Variants in KATNA1 observed in about 807,000 individuals in gnomAD.
The protein encoded by KATNA1 is katanin catalytic subunit A1.
A neutral mutation model predicts 62.6 loss-of-function variants in KATNA1; 42 were observed. The observed-to-expected ratio is 0.67, with a 90% confidence interval of 0.52 to 0.87. KATNA1 has a LOEUF of 0.87. Ranked by LOEUF, KATNA1 falls within the 40% of genes least tolerant of loss-of-function variation. KATNA1 has a pLI of 0.00. For missense variants in KATNA1, 498 were observed against 612.5 expected (o/e 0.81, Z 1.97); for synonymous variants, 186 against 201.9 (o/e 0.92, Z 0.67).
Position 149,638,440 on chromosome 6 carries a change from C to T in KATNA1, c.108G>A (p.Met36Ile). Residue 36 changes from methionine (M) to isoleucine (I), a missense_variant, in exon 2 of 11, where the codon ATG becomes ATA. By Grantham distance (10) the Met-to-Ile change is conservative (BLOSUM62 1). Transcript: ENST00000367411. ...MVYYQGVLDQ[M>I]NKYLYSVKDT... ...CTTTGACTGAGTACAGATACTTGTT[C>T]ATTTGGTCAAGAACTCCCTGATAAT... 1.2e-6 allele frequency: 2 copies of T among 1,613,978 alleles called. No homozygotes were observed. Among genetic ancestry groups the T allele is most frequent in the Non-Finnish European group, 1.7e-6 (2 of 1,179,958 alleles).
At chr6:149,634,977 G>T in intron 2 of KATNA1, among the ~76,000 whole-genome samples, 1 of 149,698 alleles carries the variant, frequency 6.7e-6, no homozygotes. Flanking sequence ...TAGAGACAGG[G>T]TCTCATTCTG....
At chr6:149,599,737 C>G (rs200452673) in intron 7 of KATNA1, among the ~76,000 whole-genome samples, 12 of 151,940 alleles carry the variant, frequency 7.9e-5, no homozygotes, top group Non-Finnish European at 1.8e-4. Context: ...AGGCTGGTCT[C>G]GAACTCCTGA....
chr6:149,600,051 T>C, intron 7 of KATNA1, among the ~76,000 whole-genome samples: 1 of 151,894 alleles, frequency 6.6e-6, no homozygotes, highest in Non-Finnish European at 1.5e-5. Context: ...ACAATAAAAA[T>C]AAGGCTTGAA....
At chr6:149,616,410 G>T (rs1424451307) in intron 4 of KATNA1, among the ~76,000 whole-genome samples, 1 of 152,166 alleles carries the variant, frequency 6.6e-6, no homozygotes, top group East Asian at 1.9e-4. Context: ...TGTAATCCTG[G>T]TAGGAATATA....
At chr6:149,625,556 G>C (rs1045570450) in intron 3 of KATNA1, among the ~76,000 whole-genome samples, 2 of 152,170 alleles carry the variant, frequency 1.3e-5, no homozygotes, top group Non-Finnish European at 2.9e-5. Flanking sequence ...CTTGAACCCA[G>C]GAGGCAGAGG....
intron 4 of KATNA1, among the ~76,000 whole-genome samples, chr6:149,615,095 T>G (rs1271071313): frequency 1.6e-5 from 2 of 123,952 alleles, no homozygotes; most frequent in Admixed American, 2.1e-4. Context: ...ATTGTGTCAC[T>G]GCACTCCAGG....
At chr6:149,613,986 C>T (rs762625106) in intron 4 of KATNA1, among the ~76,000 whole-genome samples, 2 of 152,150 alleles carry the variant, frequency 1.3e-5, no homozygotes, top group Non-Finnish European at 2.9e-5. Flanking sequence ...AGGATGCAGC[C>T]CTCACCAAAC....
intron 4 of KATNA1, among the ~76,000 whole-genome samples, chr6:149,608,889 G>A (rs1464760899): frequency 6.6e-6 from 1 of 152,222 alleles, no homozygotes; most frequent in African/African-American, 2.4e-5. Context: ...CCACCTGGCA[G>A]CGGTGGCACC....
At position 149,609,802 on chromosome 6, in the gene KATNA1, C is replaced by CAAAAAAAAAAAAAAAAAAAA. The variant is rs1169018343; in HGVS notation, c.502-5021_502-5020insTTTTTTTTTTTTTTTTTTTT. ...TGGGCGACAGAGCTAGACTCCATCT[C>CAAAAAAAAAAAAAAAAAAAA]AAAAAAAAAAAAAATAGGCCAGGTG... is the stretch of plus-strand genomic sequence containing the variant. On this transcript the variant is annotated intron_variant, in intron 4 of 10. Coordinates refer to ENST00000367411, the MANE Select transcript of KATNA1 (RefSeq NM_007044.4). Among the ~76,000 whole-genome samples, 55 of 64,464 alleles carry CAAAAAAAAAAAAAAAAAAAA rather than the reference C, an allele frequency of 8.5e-4. 1 individual carries two copies. Among genetic ancestry groups the CAAAAAAAAAAAAAAAAAAAA allele is most frequent in the African/African-American group, 1.4e-3 (20 of 14,474 alleles). 42.3% of individuals were successfully genotyped at this position (64,464 alleles called of 152,430 possible).
In KATNA1 at chr6:149,595,150, G is replaced by C; in HGVS notation, c.1362C>G (p.His454Gln). 6.2e-7 allele frequency: 1 copy of C among 1,613,824 alleles called. No individual in the cohort carries two copies. Among genetic ancestry groups the C allele is most frequent in the East Asian group, 2.2e-5 (1 of 44,870 alleles). ...EIRNLSKEEM[H>Q]MPTTMEDFEM... ...CGAAATCCTCCATAGTTGTAGGCAT[G>C]TGCATTTCTTCTTTGGAAAGATTTC... The change falls in exon 11 of 11, where the codon CAC (histidine) becomes CAG (glutamine). Residue 454 changes from histidine to glutamine, a missense_variant. Physicochemically the swap from His to Gln is conservative, Grantham distance 24. Around this residue, in one of 3 missense-constraint regions of KATNA1, gnomAD observed 267 missense variants for 372.6 expected, o/e 0.72. Coordinates refer to ENST00000367411, the MANE Select transcript of KATNA1 (RefSeq NM_007044.4).
At chr6:149,634,807 A>G (rs1780005403) in intron 2 of KATNA1, among the ~76,000 whole-genome samples, 1 of 152,238 alleles carries the variant, frequency 6.6e-6, no homozygotes, top group Admixed American at 6.5e-5. Flanking sequence ...CAACTATTAT[A>G]TATCAGTAAA....
At chr6:149,633,280 T>A (rs1041697064) in intron 2 of KATNA1, among the ~76,000 whole-genome samples, 1 of 151,756 alleles carries the variant, frequency 6.6e-6, no homozygotes, top group Non-Finnish European at 1.5e-5. Flanking sequence ...GCTAATTTTG[T>A]GTATTTTTAG....
intron 1 of KATNA1, among the ~76,000 whole-genome samples, chr6:149,645,205 G>A (rs932663243): frequency 3.3e-5 from 5 of 152,138 alleles, no homozygotes; most frequent in African/African-American, 1.2e-4. Flanking sequence ...ACAGCACTTT[G>A]GGAGGCCGAG....
rs1191766458 is a variant in KATNA1, at chr6:149,595,143, T to C, written c.1369A>G (p.Thr457Ala). 5 of 1,613,942 alleles carry C rather than the reference T, an allele frequency of 3.1e-6. No individual in the cohort carries two copies. The highest frequency in any genetic ancestry group is 1.1e-5 in the South Asian group (1 of 91,078). Residue 457 changes from threonine to alanine, a missense_variant, in exon 11 of 11, where the codon ACA becomes GCA. By Grantham distance (58) the Thr-to-Ala change is moderately conservative (BLOSUM62 0). Transcript: ENST00000367411. ...NLSKEEMHMP[T>A]TMEDFEMALK... ...GCCATCTCGAAATCCTCCATAGTTGTAGGCATGTGCATTTCTTCTTTGGAA... is the reference window on the plus strand; with the variant it reads ...GCCATCTCGAAATCCTCCATAGTTGCAGGCATGTGCATTTCTTCTTTGGAA...
intron 3 of KATNA1, among the ~76,000 whole-genome samples, chr6:149,623,815 A>G (rs968586499): frequency 5.9e-5 from 9 of 152,318 alleles, no homozygotes; most frequent in Middle Eastern, 3.4e-3. Flanking sequence ...GTATAGTTAT[A>G]TTACAGAAAT....
In KATNA1 at chr6:149,635,243, C is replaced by T. The variant is rs1488559315; in HGVS notation, c.163-2327G>A. Among the ~76,000 whole-genome samples the T allele has an allele frequency of 2.0e-5, 3 of 152,124 alleles. No individual in the cohort carries two copies. The East Asian group carries it at 5.8e-4, about 29-fold the overall frequency. ...AGTGAGCCATGATTGCACCACCATA[C>T]TCCAGCCTGGGGAACAGACCGAGAC... On this transcript the variant is annotated intron_variant, in intron 2 of 10. Coordinates refer to ENST00000367411, the MANE Select transcript of KATNA1 (RefSeq NM_007044.4).
intron 10 of KATNA1, among the ~76,000 whole-genome samples, chr6:149,595,470 TA>T (rs1462818168): frequency 2.6e-5 from 4 of 152,164 alleles, no homozygotes; most frequent in Admixed American, 6.6e-5. Flanking sequence ...ATACTGAATA[TA>T]AAATCCCAGA....
At chr6:149,638,254 G>C (rs1034041167) in intron 2 of KATNA1, 132 bp downstream of exon 2, 22 of 787,206 alleles carry the variant, frequency 2.8e-5, no homozygotes, top group Non-Finnish European at 4.2e-5. Flanking sequence ...GACTACAGGA[G>C]TGAGCCACTG....
chr6:149,616,219 TTTATG>T (rs1298750222), intron 4 of KATNA1, among the ~76,000 whole-genome samples: 1 of 152,194 alleles, frequency 6.6e-6, no homozygotes, highest in South Asian at 2.1e-4. Context: ...AATGGTAAAT[TTTATG>T]TTATGTGCAT....
Sources: allele counts gnomAD v4.1 joint callset (sites outside exome capture counted in the v4.1 genomes callset), GRCh38; gene constraint gnomAD v4.1.1; regional missense constraint gnomAD v4.1.1; transcripts MANE v1.5; gene names NCBI Gene and HGNC (gene_info 2026-07-23, HGNC 2026-07-21).